VPS13C: variants seen among roughly 807,000 people sequenced by gnomAD.
VPS13C encodes vacuolar protein sorting 13 homolog C.
Under a neutral mutation model 456.8 loss-of-function variants are expected in VPS13C, and 358 were observed. The observed-to-expected ratio is 0.78, with a 90% confidence interval of 0.72 to 0.86. The LOEUF (loss-of-function observed/expected upper bound fraction) is 0.86. Ranked by LOEUF, VPS13C falls within the 40% of genes least tolerant of loss-of-function variation. VPS13C has a pLI of 0.00. For missense variants in VPS13C, 4,818 were observed against 4,385.4 expected, an observed-to-expected ratio of 1.10 and a Z score of -2.79; for synonymous variants, 1,578 against 1,486.7, an observed-to-expected ratio of 1.06 and a Z score of -1.41.
intron 10 of VPS13C, 71 bp downstream of exon 10, chr15:62,013,862 C>T: frequency 2.5e-6 from 3 of 1,180,036 alleles, no homozygotes; most frequent in Non-Finnish European, 3.7e-6. Context: ...TCTGCTCCAT[C>T]AATGTTTCTT....
intron 84 of VPS13C, 35 bp downstream of exon 84, chr15:61,854,835 TA>T (rs759926776): frequency 8.2e-5 from 127 of 1,556,736 alleles, no homozygotes; most frequent in East Asian, 4.7e-4. Context: ...GTATTTCAGC[TA>T]AAAAAAATTG....
At chr15:61,940,556 C>T (rs978049155) in intron 47 of VPS13C, 91 bp downstream of exon 47, 2 of 1,275,084 alleles carry the variant, frequency 1.6e-6, no homozygotes, top group African/African-American at 3.0e-5. Context: ...AACGTAGCAA[C>T]TCCTACATTC....
Position 61,938,033 on chromosome 15 carries a change from C to T in VPS13C, c.5602-1283G>A, listed in dbSNP as rs79069923. ...GTACCCTATGTCCCCCAAATTAGGT[C>T]CCTACCACCAGAGAAATTGCCTAGT... On this transcript the variant is annotated intron_variant, in intron 47 of 84. Coordinates refer to ENST00000644861, the MANE Select transcript of VPS13C (RefSeq NM_020821.3). 3.5e-3 allele frequency among the ~76,000 whole-genome samples: 531 copies of T among 152,228 alleles called. 5 individuals carry two copies. Among genetic ancestry groups the T allele is most frequent in the African/African-American group, 0.012 (490 of 41,540 alleles).
intron 1 of VPS13C, among the ~76,000 whole-genome samples, chr15:62,045,542 G>C (rs901597120): frequency 2.6e-5 from 4 of 152,064 alleles, no homozygotes; most frequent in Non-Finnish European, 4.4e-5. Flanking sequence ...ATAAGAAAAG[G>C]AAACAAAATA....
At chr15:61,857,936 T>C (rs1342263078) in intron 82 of VPS13C, among the ~76,000 whole-genome samples, 13 of 152,170 alleles carry the variant, frequency 8.5e-5, no homozygotes, top group Admixed American at 8.5e-4. Context: ...TCTTGTGCAC[T>C]GGACAAAGTT....
chr15:61,988,923 C>T lies in VPS13C; in HGVS notation c.1578+2077G>A, dbSNP rs151049268. Among the ~76,000 whole-genome samples, 896 of 152,114 alleles carry T rather than the reference C, an allele frequency of 5.9e-3. 7 individuals are homozygous for T. The highest frequency in any genetic ancestry group is 0.021 in the African/African-American group (851 of 41,490). On this transcript the variant is annotated intron_variant, in intron 18 of 84. Coordinates refer to ENST00000644861, the MANE Select transcript of VPS13C (RefSeq NM_020821.3). ...AATCAATTTTAGACAGACCATAAAT[C>T]TAAATACATAAAGTAAGACAATATA...
rs1188473277 is a variant in VPS13C at position 62,013,969 on chromosome 15, T to C, written c.708A>G (p.Pro236=). ...TTTTGTCTGCTTCATTTAATATGCATGGAGTCCAGTGTTCATTTGCAGTCT... is the reference window on the plus strand; with the variant it reads ...TTTTGTCTGCTTCATTTAATATGCACGGAGTCCAGTGTTCATTTGCAGTCT... ...SLLTANEHWT[P]CILNEADKII... Residue 236 remains proline, a synonymous_variant, in exon 10 of 85, where the codon CCA becomes CCG. Coordinates refer to ENST00000644861, the MANE Select transcript of VPS13C (RefSeq NM_020821.3). 3.7e-6 allele frequency: 6 copies of C among 1,610,772 alleles called. No homozygotes were observed. Among genetic ancestry groups the C allele is most frequent in the Non-Finnish European group, 3.4e-6 (4 of 1,178,084 alleles).
At chr15:61,939,048 A>C (rs2044325840) in intron 47 of VPS13C, among the ~76,000 whole-genome samples, 1 of 152,194 alleles carries the variant, frequency 6.6e-6, no homozygotes, top group Non-Finnish European at 1.5e-5. Flanking sequence ...TGTTTGATAT[A>C]GTTCTATTTT....
intron 29 of VPS13C, among the ~76,000 whole-genome samples, chr15:61,966,426 T>G (rs2045379269): frequency 6.6e-6 from 1 of 151,904 alleles, no homozygotes; most frequent in Admixed American, 6.6e-5. Context: ...CACAGTCACG[T>G]AGCCCATCTA....
chr15:62,016,915 A>C (rs1457071125), intron 9 of VPS13C, among the ~76,000 whole-genome samples: 4 of 152,172 alleles, frequency 2.6e-5, no homozygotes, highest in Non-Finnish European at 5.9e-5. Flanking sequence ...CTATTTCTCC[A>C]CATCCTCTCC....
chr15:62,012,301 T>C (rs964360296), intron 11 of VPS13C, 137 bp from the exon 12 acceptor site: 7 of 537,678 alleles, frequency 1.3e-5, no homozygotes, highest in East Asian at 3.3e-5. Flanking sequence ...CTGTTACTAG[T>C]AGTCAATAAG....
intron 9 of VPS13C, among the ~76,000 whole-genome samples, chr15:62,014,728 T>C (rs1264973677): frequency 1.3e-5 from 2 of 152,086 alleles, no homozygotes; most frequent in Admixed American, 6.6e-5. Context: ...ACAAAAACAC[T>C]AAAAGGTAGG....
At chr15:61,966,308 T>A (rs912537922) in intron 29 of VPS13C, among the ~76,000 whole-genome samples, 166 bp from the exon 30 acceptor site, 2 of 151,818 alleles carry the variant, frequency 1.3e-5, no homozygotes, top group African/African-American at 4.8e-5. Flanking sequence ...ATAATGTATT[T>A]ATTATAATAG....
intron 14 of VPS13C, among the ~76,000 whole-genome samples, chr15:62,008,357 A>T (rs2046923619): frequency 6.6e-6 from 1 of 152,054 alleles, no homozygotes; most frequent in African/African-American, 2.4e-5. Flanking sequence ...CCAAGATCAC[A>T]TCACTGCACT....
chr15:61,972,788 G>C (rs776994634), intron 26 of VPS13C, 24 bp from the exon 27 acceptor site: 1 of 1,592,246 alleles, frequency 6.3e-7, no homozygotes, highest in Admixed American at 1.7e-5. Flanking sequence ...ACATTTATTT[G>C]ATCTGAGACA....
chr15:62,023,884 T>C (rs1300314658), intron 6 of VPS13C, 39 bp from the exon 7 acceptor site: 1 of 1,579,438 alleles, frequency 6.3e-7, no homozygotes, highest in East Asian at 2.2e-5. Flanking sequence ...AAGGATAAGA[T>C]TCAAGTTAGC....
chr15:61,949,591 G>A lies in VPS13C; in HGVS notation c.4611C>T (p.Ser1537=). ...CTTCCAAATGAAGTACTAAGTCTAA[G>A]GATGCAAATGAAACCTAAGATAATG... The part of the protein sequence containing the change: ...TKQRLKVSFA[S]LDLVLHLEAL... Residue 1537 remains serine, a synonymous_variant, in exon 42 of 85, where the codon TCC becomes TCT. Transcript: ENST00000644861. The A allele has an allele frequency of 6.3e-7, 1 of 1,595,828 alleles. No individual in the cohort carries two copies. Among genetic ancestry groups the A allele is most frequent in the African/African-American group, 1.4e-5 (1 of 73,580 alleles).
At chr15:62,007,112 T>C (rs1260273381) in intron 15 of VPS13C, among the ~76,000 whole-genome samples, 196 bp downstream of exon 15, 2 of 152,116 alleles carry the variant, frequency 1.3e-5, no homozygotes, top group Non-Finnish European at 2.9e-5. Context: ...TATCTGATAT[T>C]TGCAGGGGGA....
At chr15:62,012,625 T>C (rs545503243) in intron 11 of VPS13C, among the ~76,000 whole-genome samples, 1 of 152,036 alleles carries the variant, frequency 6.6e-6, no homozygotes, top group South Asian at 2.1e-4. Flanking sequence ...TTTGAATTAA[T>C]CTTCTACTAT....
Sources: gnomAD v4.1 joint callset for allele counts (sites outside exome capture counted in the v4.1 genomes callset) on GRCh38, gnomAD v4.1.1 for gene constraint, MANE v1.5 for transcripts, NCBI Gene and HGNC (gene_info 2026-07-23, HGNC 2026-07-21) for gene names.